The following PHF20L1 variants were observed in gnomAD, a reference collection of about 807,000 sequenced individuals.
PHF20L1 encodes PHD finger protein 20 like 1.
PHF20L1 carries 44 observed loss-of-function variants against 125.5 expected under a neutral mutation model. The ratio of observed to expected loss-of-function variants is 0.35; its 90% CI spans 0.28 to 0.45. The LOEUF (loss-of-function observed/expected upper bound fraction) is 0.45. Among genes scored for constraint, PHF20L1 ranks in the 20% least tolerant of loss-of-function variants. PHF20L1 has a pLI of 1.00. For synonymous variants in PHF20L1, 380 were observed against 403.1 expected (o/e 0.94, Z 0.69); for missense variants, 1,012 against 1,217.2 (o/e 0.83, Z 2.51).
At chr8:132,823,576 C>T (rs1333038556) in intron 12 of PHF20L1, among the ~76,000 whole-genome samples, 1 of 151,924 alleles carries the variant, frequency 6.6e-6, no homozygotes, top group Non-Finnish European at 1.5e-5. Context: ...TATTACCCTA[C>T]CACAAAGGAG....
In PHF20L1 at chr8:132,777,873, T is replaced by C. The variant is rs755168885; in HGVS notation, c.45T>C (p.Ile15=). ...ATCGCCCTGGAATCACTTTTGAGAT[T>C]GGTGCTCGTTTGGAGGCACTGGACT... is the stretch of plus-strand genomic sequence containing the variant. ...PPNRPGITFE[I]GARLEALDYL... Residue 15 remains isoleucine (I), a synonymous_variant, in exon 2 of 21, where the codon ATT becomes ATC. Coordinates refer to ENST00000395386, the MANE Select transcript of PHF20L1 (RefSeq NM_016018.5). The C allele has an allele frequency of 6.2e-7, 1 of 1,613,440 alleles. No individual in the cohort carries two copies. The highest frequency in any genetic ancestry group is 8.5e-7 in the Non-Finnish European group (1 of 1,179,412).
intron 12 of PHF20L1, among the ~76,000 whole-genome samples, chr8:132,823,334 T>A (rs1835806153): frequency 6.6e-6 from 1 of 151,996 alleles, no homozygotes; most frequent in Non-Finnish European, 1.5e-5. Flanking sequence ...CAGTATGCTT[T>A]AATATGGAGT....
intron 2 of PHF20L1, among the ~76,000 whole-genome samples, chr8:132,787,263 G>C (rs540856546): frequency 1.3e-5 from 2 of 151,970 alleles, no homozygotes; most frequent in East Asian, 1.9e-4. Context: ...CAGGTGCTGG[G>C]GGGGTGGGAG....
chr8:132,802,217 A>G (rs1243816455), intron 6 of PHF20L1, among the ~76,000 whole-genome samples: 1 of 150,256 alleles, frequency 6.7e-6, no homozygotes, highest in South Asian at 2.1e-4. Context: ...CAACTTAGCC[A>G]TACTGCTTTT....
rs528325054 is a variant in PHF20L1, at chr8:132,800,575, TTTAAA to T, written c.507+1408_507+1412del. On this transcript the variant is annotated intron_variant, in intron 6 of 20. Transcript: ENST00000395386. The stretch of plus-strand genomic sequence containing the variant: ...TGAGAATTTGTTTAGAAAGATAATT[TTTAAA>T]TTAAGCTAGCAAAGAGTAGTGCAAC... Among the ~76,000 whole-genome samples the T allele has an allele frequency of 1.3e-4, 19 of 151,886 alleles. No individual in the cohort carries two copies. In the South Asian group the frequency reaches 3.9e-3, roughly 31 times the overall value.
chr8:132,788,057 A>G (rs1443002738), intron 2 of PHF20L1, among the ~76,000 whole-genome samples: 1 of 152,066 alleles, frequency 6.6e-6, no homozygotes, highest in Non-Finnish European at 1.5e-5. Context: ...TTCTGCTAAT[A>G]TTTTAGTTAT....
At chr8:132,778,662 C>T (rs934696239) in intron 2 of PHF20L1, among the ~76,000 whole-genome samples, 3 of 152,124 alleles carry the variant, frequency 2.0e-5, no homozygotes, top group South Asian at 2.1e-4. Context: ...GTCCCTGGGC[C>T]AGAGTAGGAA....
intron 3 of PHF20L1, 29 bp downstream of exon 3, chr8:132,794,610 G>A (rs1200288640): frequency 1.3e-6 from 2 of 1,568,458 alleles, no homozygotes; most frequent in Non-Finnish European, 1.7e-6. Flanking sequence ...CTGTTTGCTA[G>A]TTTTGCCAGC....
intron 2 of PHF20L1, among the ~76,000 whole-genome samples, chr8:132,786,939 TTAAC>T (rs1378632737): frequency 1.3e-5 from 2 of 152,102 alleles, no homozygotes; most frequent in Non-Finnish European, 2.9e-5. Context: ...TATAAACAAA[TTAAC>T]TATCTGTAGT....
At chr8:132,844,675 A>G (rs2131962237) in intron 20 of PHF20L1, among the ~76,000 whole-genome samples, 1 of 152,284 alleles carries the variant, frequency 6.6e-6, no homozygotes, top group Non-Finnish European at 1.5e-5. Context: ...ATGTGAAAAC[A>G]TTTTGAATAT....
At chr8:132,780,632 A>G (rs1830317403) in intron 2 of PHF20L1, among the ~76,000 whole-genome samples, 1 of 152,110 alleles carries the variant, frequency 6.6e-6, no homozygotes, top group Non-Finnish European at 1.5e-5. Context: ...CATCTTTGAG[A>G]TAAATGTAGT....
At chr8:132,811,287 C>G (rs920852750) in intron 9 of PHF20L1, 159 bp downstream of exon 9, 59 of 1,388,386 alleles carry the variant, frequency 4.2e-5, no homozygotes, top group Non-Finnish European at 4.8e-5. Context: ...CCAAGGTATA[C>G]AGATAACTAC....
intron 8 of PHF20L1, among the ~76,000 whole-genome samples, chr8:132,806,107 A>C (rs1271862075): frequency 6.6e-6 from 1 of 152,014 alleles, no homozygotes; most frequent in Non-Finnish European, 1.5e-5. Context: ...AGATCAAAGA[A>C]GACGGAGATG....
chr8:132,846,072 A>G lies in PHF20L1; in HGVS notation c.*149A>G. The G allele has an allele frequency of 1.8e-6, 1 of 563,800 alleles. No homozygotes were observed. Among genetic ancestry groups the G allele is most frequent in the Non-Finnish European group, 3.1e-6 (1 of 326,120 alleles). The allele number at this position is 563,800 out of a possible 1,614,324, so 34.9% of individuals were successfully genotyped here. On this transcript the variant is annotated 3_prime_UTR_variant, in exon 21 of 21. Transcript: ENST00000395386. ...GTCAATAGGATGGCACCTTGGAAAG[A>G]AAAATGAAGAACAACTTTATCAAGG...
chr8:132,845,332 G>A (rs902146720), intron 20 of PHF20L1, among the ~76,000 whole-genome samples: 1 of 152,040 alleles, frequency 6.6e-6, no homozygotes, highest in Admixed American at 6.6e-5. Flanking sequence ...GTTAAGAAGA[G>A]CTTCTGGATT....
At chr8:132,831,185 A>T (rs1836735188) in intron 14 of PHF20L1, among the ~76,000 whole-genome samples, 1 of 152,018 alleles carries the variant, frequency 6.6e-6, no homozygotes, top group Non-Finnish European at 1.5e-5. Flanking sequence ...CCACATAAGC[A>T]TTGAATGACT....
At chr8:132,791,977 A>G (rs1831769488) in intron 2 of PHF20L1, among the ~76,000 whole-genome samples, 1 of 152,250 alleles carries the variant, frequency 6.6e-6, no homozygotes, top group Non-Finnish European at 1.5e-5. Context: ...ACTCACTTAG[A>G]TACTGATTCT....
In PHF20L1 at chr8:132,776,637, G is replaced by A. The variant is rs529086829; in HGVS notation, c.-38+992G>A. Among the ~76,000 whole-genome samples the A allele has an allele frequency of 7.2e-5, 11 of 152,122 alleles. No homozygotes were observed. The East Asian group carries it at 2.1e-3, about 29-fold the overall frequency. On this transcript the variant is annotated intron_variant, in intron 1 of 20. Coordinates refer to ENST00000395386, the MANE Select transcript of PHF20L1 (RefSeq NM_016018.5). ...ATGCTATTTTTTCCCTTACCTATCAGACTCTTTCAAAGAGAAAAGAGGGAG... is the reference window on the plus strand; with the variant it reads ...ATGCTATTTTTTCCCTTACCTATCAAACTCTTTCAAAGAGAAAAGAGGGAG...
chr8:132,791,439 G>C (rs1831689033), intron 2 of PHF20L1, among the ~76,000 whole-genome samples: 1 of 151,846 alleles, frequency 6.6e-6, no homozygotes, highest in South Asian at 2.1e-4. Context: ...TTTTACTAGA[G>C]ACCGGGTTTC....
Sources: gnomAD v4.1 joint callset for allele counts (sites outside exome capture counted in the v4.1 genomes callset) on GRCh38, gnomAD v4.1.1 for gene constraint, MANE v1.5 for transcripts, NCBI Gene and HGNC (gene_info 2026-07-23, HGNC 2026-07-21) for gene names.